SHISA9: variants seen among roughly 807,000 people sequenced by gnomAD.
The protein encoded by SHISA9 is protein shisa-9.
A neutral mutation model predicts 38.0 loss-of-function variants in SHISA9; 13 were observed. The observed-to-expected ratio is 0.34, with a 90% confidence interval of 0.22 to 0.54. SHISA9 has a LOEUF of 0.54. Ranked by LOEUF, SHISA9 falls within the 20% of genes least tolerant of loss-of-function variation. The probability of loss-of-function intolerance (pLI) is 0.91; values close to 1 mark genes in which losing one functional copy is unlikely to be tolerated. For missense variants in SHISA9, 538 were observed against 575.8 expected (o/e 0.93, Z 0.67); for synonymous variants, 275 against 242.0 (o/e 1.14, Z -1.27).
chr16:13,290,878 C>G, the SHISA9 span, among the ~76,000 whole-genome samples: 1 of 152,194 alleles, frequency 6.6e-6, no homozygotes, highest in East Asian at 1.9e-4. Flanking sequence ...TATAAACACA[C>G]AGCAAGTTGT....
the SHISA9 span, among the ~76,000 whole-genome samples, chr16:13,354,113 C>T: frequency 1.3e-5 from 2 of 149,640 alleles, no homozygotes; most frequent in African/African-American, 2.5e-5. Flanking sequence ...GGGGCAAATC[C>T]TCGAGCTTGA....
chr16:13,216,481 G>C (rs2051170371), intron 4 of SHISA9, among the ~76,000 whole-genome samples: 1 of 152,166 alleles, frequency 6.6e-6, no homozygotes, highest in South Asian at 2.1e-4. Flanking sequence ...GCAAATTAAA[G>C]GCTCTGAAAA....
the SHISA9 span, among the ~76,000 whole-genome samples, chr16:13,434,431 T>TTTTTTTTTTTTTTTC: frequency 6.8e-6 from 1 of 147,428 alleles, no homozygotes; most frequent in Non-Finnish European, 1.5e-5. Context: ...TTTTTTTTTT[T>TTTTTTTTTTTTTTTC]TTTTGAGATC....
chr16:13,318,840 G>C, the SHISA9 span, among the ~76,000 whole-genome samples: 1 of 152,166 alleles, frequency 6.6e-6, no homozygotes, highest in Non-Finnish European at 1.5e-5. Context: ...AAAAACAAAA[G>C]AAACTACAAA....
At chr16:13,064,945 C>A (rs2073417395) in intron 2 of SHISA9, among the ~76,000 whole-genome samples, 2 of 152,130 alleles carry the variant, frequency 1.3e-5, no homozygotes, top group Admixed American at 1.3e-4. Context: ...TGAGCTGAGA[C>A]CTGATGGATC....
chr16:13,456,115 A>G, the SHISA9 span, among the ~76,000 whole-genome samples: 2 of 152,356 alleles, frequency 1.3e-5, no homozygotes, highest in South Asian at 4.1e-4. Context: ...GACTGCTAAG[A>G]AGAAAATCAA....
intron 3 of SHISA9, among the ~76,000 whole-genome samples, chr16:13,204,090 A>G (rs986512203): frequency 2.7e-5 from 4 of 149,782 alleles, no homozygotes; most frequent in Admixed American, 6.6e-5. Context: ...TCTATTATCT[A>G]TCTATATCAT....
the SHISA9 span, among the ~76,000 whole-genome samples, chr16:13,538,697 G>A: frequency 7.9e-5 from 12 of 152,126 alleles, no homozygotes; most frequent in Non-Finnish European, 1.2e-4. Flanking sequence ...TTGATAAATT[G>A]CCCCACACTG....
chr16:13,461,854 C>A, the SHISA9 span, among the ~76,000 whole-genome samples: 1 of 151,814 alleles, frequency 6.6e-6, no homozygotes, highest in African/African-American at 2.4e-5. Context: ...ACCTCGTGAT[C>A]CGCCCACCTC....
At chr16:13,019,755 TTTTCTTTCTTTTCTTTCTTTCTTTC>T (rs2072801017) in intron 2 of SHISA9, among the ~76,000 whole-genome samples, 1 of 149,442 alleles carries the variant, frequency 6.7e-6, no homozygotes, top group African/African-American at 2.5e-5. Context: ...CCTTCTTTTC[TTTTCTTTCTTTTCTTTCTTTCTTTC>T]TTTCTTTCTT....
intron 2 of SHISA9, among the ~76,000 whole-genome samples, chr16:12,933,290 G>A (rs1350777370): frequency 1.3e-5 from 2 of 151,628 alleles, no homozygotes; most frequent in African/African-American, 4.8e-5. Context: ...ATTCAGAGTT[G>A]TCTTTGTTGT....
intron 4 of SHISA9, among the ~76,000 whole-genome samples, chr16:13,222,351 C>T (rs2051235372): frequency 6.6e-6 from 1 of 152,178 alleles, no homozygotes; most frequent in Admixed American, 6.5e-5. Context: ...TTCCTCCAAC[C>T]TTGTTGCACT....
the SHISA9 span, among the ~76,000 whole-genome samples, chr16:13,358,436 C>T: frequency 5.9e-5 from 9 of 152,074 alleles, no homozygotes; most frequent in Admixed American, 2.0e-4. Context: ...GCTGTGTCCA[C>T]GTGTTCTCTC....
chr16:13,370,153 C>T, the SHISA9 span, among the ~76,000 whole-genome samples: 3 of 152,232 alleles, frequency 2.0e-5, no homozygotes, highest in East Asian at 1.9e-4. Context: ...AGGTATTTCC[C>T]GGGGTGCCAC....
At chr16:13,302,547 C>A in the SHISA9 span, among the ~76,000 whole-genome samples, 1 of 152,186 alleles carries the variant, frequency 6.6e-6, no homozygotes, top group Admixed American at 6.5e-5. Context: ...AGACTCTCTC[C>A]ATGAACTAAA....
At chr16:13,528,592 A>G in the SHISA9 span, among the ~76,000 whole-genome samples, 1 of 152,128 alleles carries the variant, frequency 6.6e-6, no homozygotes, top group Non-Finnish European at 1.5e-5. Context: ...TTTGGAGGTC[A>G]TAGAAAAAAA....
At chr16:13,482,706 C>A in the SHISA9 span, among the ~76,000 whole-genome samples, 4 of 150,978 alleles carry the variant, frequency 2.6e-5, no homozygotes, top group African/African-American at 9.7e-5. Flanking sequence ...AAGGCTGAGG[C>A]AGGAGAACCA....
chr16:12,959,145 T>A (rs12325153), intron 2 of SHISA9, among the ~76,000 whole-genome samples: 4,769 of 152,306 alleles, frequency 0.031, 257 homozygotes, highest in African/African-American at 0.11. Context: ...CTGTTTGGAT[T>A]TGTTTGTTCA....
the SHISA9 span, among the ~76,000 whole-genome samples, chr16:13,535,463 A>G: frequency 2.0e-5 from 3 of 152,164 alleles, no homozygotes; most frequent in African/African-American, 7.2e-5. Flanking sequence ...CCAGGGACCC[A>G]CAAACTATGC....
Sources: gnomAD v4.1 joint callset for allele counts (sites outside exome capture counted in the v4.1 genomes callset) on GRCh38, gnomAD v4.1.1 for gene constraint, MANE v1.5 for transcripts, NCBI Gene and HGNC (gene_info 2026-07-23, HGNC 2026-07-21) for gene names.